Variants in LRRTM4 observed in about 807,000 individuals in gnomAD.
The protein encoded by LRRTM4 is leucine-rich repeat transmembrane neuronal protein 4.
In LRRTM4, 25 loss-of-function variants were observed where a neutral mutation model predicts 47.6. That is an observed-to-expected ratio of 0.53 (90% CI 0.38 to 0.73). The LOEUF is 0.73. Ranked by LOEUF, LRRTM4 falls within the 30% of genes least tolerant of loss-of-function variation. LRRTM4 has a pLI of 0.00. For synonymous variants in LRRTM4, 311 were observed against 269.5 expected, an observed-to-expected ratio of 1.15 and a Z score of -1.51; for missense variants, 638 against 713.4, an observed-to-expected ratio of 0.89 and a Z score of 1.20.
At chr2:77,163,201 T>C (rs1672781590) in intron 3 of LRRTM4, among the ~76,000 whole-genome samples, 1 of 152,022 alleles carries the variant, frequency 6.6e-6, no homozygotes, top group Non-Finnish European at 1.5e-5. Context: ...CGGTAGCCTA[T>C]TCGATCAAGT....
intron 3 of LRRTM4, among the ~76,000 whole-genome samples, chr2:77,016,885 T>G (rs1337961953): frequency 6.6e-6 from 1 of 152,170 alleles, no homozygotes; most frequent in Non-Finnish European, 1.5e-5. Context: ...GACTTTTTTT[T>G]TTTTAATAAG....
intron 3 of LRRTM4, among the ~76,000 whole-genome samples, chr2:76,848,407 T>A (rs749607077): frequency 1.3e-5 from 2 of 152,120 alleles, no homozygotes; most frequent in Non-Finnish European, 2.9e-5. Context: ...ACTCCAAAAT[T>A]ATATACTTCC....
intron 3 of LRRTM4, among the ~76,000 whole-genome samples, chr2:77,256,870 C>A (rs1048959028): frequency 1.3e-5 from 2 of 151,862 alleles, no homozygotes; most frequent in Admixed American, 1.3e-4. Context: ...AGGGAGGGAA[C>A]CAAACAGTGT....
intron 3 of LRRTM4, among the ~76,000 whole-genome samples, chr2:76,896,668 A>C (rs1200605714): frequency 1.3e-5 from 2 of 151,710 alleles, no homozygotes; most frequent in Non-Finnish European, 2.9e-5. Flanking sequence ...ATTTTCACTT[A>C]GTTAAAAAGT....
chr2:77,021,118 C>CTATCTATG (rs145394284), intron 3 of LRRTM4, among the ~76,000 whole-genome samples: 4 of 151,516 alleles, frequency 2.6e-5, no homozygotes, highest in Non-Finnish European at 4.4e-5. Context: ...ATGTATCTAT[C>CTATCTATG]TATCTATCTA....
chr2:77,089,205 C>A (rs1680838191), intron 3 of LRRTM4, among the ~76,000 whole-genome samples: 1 of 143,796 alleles, frequency 7.0e-6, no homozygotes, highest in African/African-American at 2.6e-5. Flanking sequence ...CTCTGCTTTT[C>A]CAGGGACAGG....
intron 3 of LRRTM4, among the ~76,000 whole-genome samples, chr2:77,278,870 A>G (rs1474951039): frequency 6.6e-6 from 1 of 151,908 alleles, no homozygotes; most frequent in African/African-American, 2.4e-5. Context: ...ATTACCTACG[A>G]CTGTCCTTGT....
chr2:77,509,489 G>A (rs994883065), intron 3 of LRRTM4, among the ~76,000 whole-genome samples: 1 of 152,006 alleles, frequency 6.6e-6, no homozygotes, highest in African/African-American at 2.4e-5. Context: ...CTAAATTACA[G>A]CTCAGACAAG....
intron 3 of LRRTM4, among the ~76,000 whole-genome samples, chr2:77,457,004 GTATATATATATATATATATATATATA>G (rs1171771344): frequency 1.4e-3 from 33 of 23,170 alleles, no homozygotes; most frequent in Middle Eastern, 0.021. Flanking sequence ...GTGTGTGTGT[GTATATATATATATATATATATATATA>G]TATATATATA....
chr2:76,883,187 C>A (rs895773800), intron 3 of LRRTM4, among the ~76,000 whole-genome samples: 4 of 152,162 alleles, frequency 2.6e-5, no homozygotes, highest in African/African-American at 9.7e-5. Flanking sequence ...ATCACCTCTC[C>A]TGTGGAGCTT....
At chr2:76,943,000 A>G (rs1159276118) in intron 3 of LRRTM4, among the ~76,000 whole-genome samples, 3 of 152,208 alleles carry the variant, frequency 2.0e-5, no homozygotes, top group African/African-American at 7.2e-5. Context: ...ATACAAAAGA[A>G]CAAGAGCAAC....
chr2:77,036,131 T>C (rs911249295), intron 3 of LRRTM4, among the ~76,000 whole-genome samples: 4 of 151,640 alleles, frequency 2.6e-5, no homozygotes, highest in African/African-American at 9.7e-5. Flanking sequence ...GCAGACATAA[T>C]GTAGACCACA....
intron 3 of LRRTM4, among the ~76,000 whole-genome samples, chr2:77,054,981 G>C (rs1679554906): frequency 6.6e-6 from 1 of 152,202 alleles, no homozygotes; most frequent in Non-Finnish European, 1.5e-5. Context: ...TCTCAGGGCA[G>C]AGATTCAACA....
At chr2:77,396,290 T>TCCA (rs1317793177) in intron 3 of LRRTM4, among the ~76,000 whole-genome samples, 1 of 151,922 alleles carries the variant, frequency 6.6e-6, no homozygotes. Context: ...GAAAGTAATC[T>TCCA]CCACCACCGC....
intron 3 of LRRTM4, among the ~76,000 whole-genome samples, chr2:76,995,021 T>C (rs1348177129): frequency 6.6e-6 from 1 of 152,010 alleles, no homozygotes; most frequent in African/African-American, 2.4e-5. Flanking sequence ...GAGTTGAATC[T>C]GATAACTGAC....
At position 77,417,718 on chromosome 2, in the gene LRRTM4, A is replaced by T. The variant is rs147509397; in HGVS notation, c.1551+100600T>A. ...CATAGGTGGGAATTGAACAATGAGA[A>T]CACATGGACACAGGAAGGGGAACAT... On this transcript the variant is annotated intron_variant, in intron 3 of 3. Coordinates refer to ENST00000409884, the MANE Select transcript of LRRTM4 (RefSeq NM_001134745.3). Among the ~76,000 whole-genome samples the T allele has an allele frequency of 4.1e-4, 61 of 149,694 alleles. No homozygotes were observed. In the East Asian group the frequency reaches 4.4e-3, roughly 11 times the overall value.
chr2:77,119,596 G>C (rs1209836203), intron 3 of LRRTM4, among the ~76,000 whole-genome samples: 1 of 151,792 alleles, frequency 6.6e-6, no homozygotes, highest in Non-Finnish European at 1.5e-5. Flanking sequence ...TGAAGATAGA[G>C]CAATGAAGAG....
intron 3 of LRRTM4, among the ~76,000 whole-genome samples, chr2:77,200,925 C>T (rs1673955924): frequency 6.6e-6 from 1 of 152,124 alleles, no homozygotes; most frequent in African/African-American, 2.4e-5. Context: ...ACTGCCTACT[C>T]ATGCCCACCA....
intron 3 of LRRTM4, among the ~76,000 whole-genome samples, chr2:77,279,395 T>G (rs1222295394): frequency 2.0e-5 from 3 of 151,984 alleles, no homozygotes; most frequent in Non-Finnish European, 2.9e-5. Context: ...TTCAACCAAA[T>G]TTATGTATAT....
Sources: gnomAD v4.1 joint callset for allele counts (sites outside exome capture counted in the v4.1 genomes callset) on GRCh38, gnomAD v4.1.1 for gene constraint, MANE v1.5 for transcripts, NCBI Gene and HGNC (gene_info 2026-07-23, HGNC 2026-07-21) for gene names.